CHFR: variants seen among roughly 807,000 people sequenced by gnomAD.
CHFR encodes E3 ubiquitin-protein ligase CHFR.
Under a neutral mutation model 87.6 loss-of-function variants are expected in CHFR, and 57 were observed. That is an observed-to-expected ratio of 0.65 (90% CI 0.53 to 0.81). CHFR has a LOEUF of 0.81. Among genes scored for constraint, CHFR ranks in the 30% least tolerant of loss-of-function variants. CHFR has a pLI of 0.00. For missense variants in CHFR, 797 were observed against 865.8 expected, an observed-to-expected ratio of 0.92 and a Z score of 1.00; for synonymous variants, 381 against 359.2, an observed-to-expected ratio of 1.06 and a Z score of -0.69.
At chr12:132,885,902 T>C (rs1357420114) in intron 2 of CHFR, among the ~76,000 whole-genome samples, 1 of 152,196 alleles carries the variant, frequency 6.6e-6, no homozygotes, top group Non-Finnish European at 1.5e-5. Flanking sequence ...CTTCAAATAC[T>C]TCCTCTTGTC....
chr12:132,843,133 A>G, intron 16 of CHFR, 50 bp from the exon 17 acceptor site: 2 of 1,528,752 alleles, frequency 1.3e-6, no homozygotes, highest in East Asian at 4.6e-5. Context: ...GCACGCACCC[A>G]CTCAGCTACC....
chr12:132,864,733 A>C (rs9943754), intron 6 of CHFR, among the ~76,000 whole-genome samples: 31,382 of 152,048 alleles, frequency 0.21, 3,465 homozygotes, highest in African/African-American at 0.27. Context: ...AGGCGATCCA[A>C]CCACCCGGCC....
rs1168893990 is a variant in CHFR at position 132,836,714 on chromosome 12, G to C, written c.*4840C>G. On this transcript the variant is annotated 3_prime_UTR_variant, in exon 18 of 18. Transcript: ENST00000450056. ...CCCACCATCTAGACTCACCGCCTCAGAAGGAGACAACCGTGAAAAGTGAGC... is the reference window on the plus strand; with the variant it reads ...CCCACCATCTAGACTCACCGCCTCACAAGGAGACAACCGTGAAAAGTGAGC... 2.4e-5 allele frequency: 11 copies of C among 455,936 alleles called. No individual in the cohort carries two copies. Among genetic ancestry groups the C allele is most frequent in the Non-Finnish European group, 4.8e-5 (11 of 226,810 alleles). 28.2% of individuals were successfully genotyped at this position (455,936 alleles called of 1,614,324 possible).
intron 5 of CHFR, among the ~76,000 whole-genome samples, 193 bp downstream of exon 5, chr12:132,870,531 C>CAAA (rs376516972): frequency 3.3e-5 from 3 of 91,090 alleles, no homozygotes; most frequent in Non-Finnish European, 4.2e-5. Context: ...AACTCCGTCT[C>CAAA]AAAAAAAAAA....
At chr12:132,846,419 C>T (rs75233493) in intron 15 of CHFR, among the ~76,000 whole-genome samples, 71,095 of 151,562 alleles carry the variant, frequency 0.47, 18,180 homozygotes, top group Non-Finnish European at 0.6. Flanking sequence ...CCCGCCACCA[C>T]GCCCGGCTAA....
intron 15 of CHFR, among the ~76,000 whole-genome samples, chr12:132,846,272 T>TTC (rs1950820414): frequency 6.7e-6 from 1 of 150,110 alleles, no homozygotes; most frequent in South Asian, 2.1e-4. Context: ...TCTTTTTTTT[T>TTC]TTTTTTTTGA....
At chr12:132,862,070 C>T (rs1449647627) in intron 6 of CHFR, among the ~76,000 whole-genome samples, 2 of 151,972 alleles carry the variant, frequency 1.3e-5, no homozygotes, top group African/African-American at 4.8e-5. Context: ...GTCAGGAGGT[C>T]GAGACCAGCC....
At chr12:132,853,210 A>C (rs975736896) in intron 11 of CHFR, among the ~76,000 whole-genome samples, 1 of 152,200 alleles carries the variant, frequency 6.6e-6, no homozygotes, top group African/African-American at 2.4e-5. Flanking sequence ...AGTGTTCAGG[A>C]GGGGCTACGA....
chr12:132,835,722 G>A lies in CHFR; in HGVS notation c.*5832C>T, dbSNP rs1274802723. On this transcript the variant is annotated 3_prime_UTR_variant, in exon 18 of 18. Coordinates refer to ENST00000450056, the MANE Select transcript of CHFR (RefSeq NM_001161346.2). ...TGTTGTTTAAGCCGCCTGTTCTGCG[G>A]CGTTTTGATCCAGCGGCCCAAGTGG... The A allele has an allele frequency of 1.2e-5, 3 of 252,482 alleles. No homozygotes were observed. The highest frequency in any genetic ancestry group is 3.6e-5 in the South Asian group (1 of 28,022). The allele number at this position is 252,482 out of a possible 1,614,324, so 15.6% of individuals were successfully genotyped here.
chr12:132,850,900 A>T (rs895210853), intron 12 of CHFR, among the ~76,000 whole-genome samples: 21 of 151,922 alleles, frequency 1.4e-4, no homozygotes, highest in African/African-American at 5.1e-4. Flanking sequence ...TTCTGCAGGA[A>T]TACATTAAAA....
intron 10 of CHFR, 74 bp from the exon 11 acceptor site, chr12:132,853,647 GCAGCCATCACAGCT>G (rs1486182145): frequency 1.4e-6 from 2 of 1,445,900 alleles, no homozygotes; most frequent in African/African-American, 1.5e-5. Context: ...ACGCGGGTCC[GCAGCCATCACAGCT>G]CAGCTCCACC....
At chr12:132,872,795 T>C (rs965148298) in intron 3 of CHFR, among the ~76,000 whole-genome samples, 4 of 152,220 alleles carry the variant, frequency 2.6e-5, no homozygotes, top group Admixed American at 6.5e-5. Flanking sequence ...GGTGAACTCA[T>C]GCCTCCAATG....
chr12:132,864,807 T>C (rs1359157822), intron 6 of CHFR, among the ~76,000 whole-genome samples: 1 of 152,194 alleles, frequency 6.6e-6, no homozygotes, highest in Non-Finnish European at 1.5e-5. Context: ...TTTTTTTTAA[T>C]TACATAAGTA....
chr12:132,861,107 C>T (rs972021038), intron 7 of CHFR, among the ~76,000 whole-genome samples: 2 of 152,104 alleles, frequency 1.3e-5, no homozygotes, highest in African/African-American at 4.8e-5. Flanking sequence ...TGGTCTCGAA[C>T]GCCTGACCTC....
intron 10 of CHFR, chr12:132,854,503 A>G (rs1370040261): frequency 6.6e-6 from 1 of 152,236 alleles, no homozygotes; most frequent in Non-Finnish European, 1.5e-5. Flanking sequence ...CGAGCTGTAC[A>G]TGCAGCCGAA....
At chr12:132,870,667 A>G in intron 5 of CHFR, 57 bp downstream of exon 5, 1 of 1,263,866 alleles carries the variant, frequency 7.9e-7, no homozygotes, top group East Asian at 2.4e-5. Flanking sequence ...CTCAAAACAC[A>G]AAAGGAATGC....
At chr12:132,851,545 C>A in intron 12 of CHFR, 73 bp downstream of exon 12, 1 of 1,490,002 alleles carries the variant, frequency 6.7e-7, no homozygotes, top group Non-Finnish European at 9.0e-7. Flanking sequence ...ACCCTAAGGC[C>A]AACACCGCTT....
intron 6 of CHFR, among the ~76,000 whole-genome samples, chr12:132,868,595 G>A (rs1371626363): frequency 6.6e-6 from 1 of 152,074 alleles, no homozygotes; most frequent in Non-Finnish European, 1.5e-5. Context: ...CAGGAGAATG[G>A]CGTGAACCTG....
In CHFR at chr12:132,836,956, A is replaced by ATGT; in HGVS notation, c.*4595_*4597dup. 1 of 364,000 alleles carries ATGT rather than the reference A, an allele frequency of 2.7e-6. No individual in the cohort carries two copies. The highest frequency in any genetic ancestry group is 5.4e-6 in the Non-Finnish European group (1 of 184,830). The allele number at this position is 364,000 out of a possible 1,614,324, so 22.5% of individuals were successfully genotyped here. ...AGAGGGGGAGACAAACGGTAAACAG[A>ATGT]TGTTTCCTTTCCGATAGTGACAGGT... On this transcript the variant is annotated 3_prime_UTR_variant, in exon 18 of 18. Transcript: ENST00000450056.
Sources: allele counts gnomAD v4.1 joint callset (sites outside exome capture counted in the v4.1 genomes callset), GRCh38; gene constraint gnomAD v4.1.1; transcripts MANE v1.5; gene names NCBI Gene and HGNC (gene_info 2026-07-23, HGNC 2026-07-21).